CSMD3: variants seen among roughly 807,000 people sequenced by gnomAD.
The protein encoded by CSMD3 is CUB and sushi domain-containing protein 3.
A neutral mutation model predicts 435.2 loss-of-function variants in CSMD3; 177 were observed. That is an observed-to-expected ratio of 0.41 (90% CI 0.36 to 0.46). CSMD3 has a LOEUF of 0.46. Ranked by LOEUF, CSMD3 falls within the 20% of genes least tolerant of loss-of-function variation. CSMD3 has a pLI of 0.34. For missense variants in CSMD3, 4,265 were observed against 4,504.6 expected, an observed-to-expected ratio of 0.95 and a Z score of 1.52; for synonymous variants, 1,656 against 1,520.5, an observed-to-expected ratio of 1.09 and a Z score of -2.07.
At chr8:112,348,422 G>T (rs973353275) in intron 40 of CSMD3, among the ~76,000 whole-genome samples, 1 of 152,014 alleles carries the variant, frequency 6.6e-6, no homozygotes, top group Non-Finnish European at 1.5e-5. Flanking sequence ...TCCAGTTCAC[G>T]AGGCTGTAGC....
intron 6 of CSMD3, among the ~76,000 whole-genome samples, chr8:113,011,496 C>T (rs2086254579): frequency 2.0e-5 from 3 of 151,746 alleles, no homozygotes; most frequent in South Asian, 4.1e-4. Flanking sequence ...AACTAATGAA[C>T]AGAAATTTGA....
chr8:113,314,875 T>C (rs953961885), intron 1 of CSMD3, 82 bp from the exon 2 acceptor site: 6 of 994,644 alleles, frequency 6.0e-6, no homozygotes, highest in South Asian at 1.4e-5. Context: ...TGAAAGTCTA[T>C]TGCATTTCCA....
chr8:112,789,969 T>G, intron 13 of CSMD3, among the ~76,000 whole-genome samples: 1 of 152,142 alleles, frequency 6.6e-6, no homozygotes, highest in Middle Eastern at 3.6e-3. Flanking sequence ...TTTTCTGCTT[T>G]AATACACATT....
chr8:112,314,820 T>G (rs931090741), intron 47 of CSMD3, among the ~76,000 whole-genome samples: 2 of 152,054 alleles, frequency 1.3e-5, no homozygotes, highest in Non-Finnish European at 2.9e-5. Context: ...ATTGATTTAT[T>G]TTTTATTACA....
At chr8:112,998,920 C>A (rs1222495148) in intron 6 of CSMD3, among the ~76,000 whole-genome samples, 1 of 151,944 alleles carries the variant, frequency 6.6e-6, no homozygotes, top group Non-Finnish European at 1.5e-5. Context: ...TTTCCTGAGG[C>A]CTCCCCAGCC....
chr8:112,599,597 T>C (rs916580990), intron 22 of CSMD3, among the ~76,000 whole-genome samples: 1 of 146,168 alleles, frequency 6.8e-6, no homozygotes, highest in African/African-American at 2.4e-5. Flanking sequence ...TTATTCACAA[T>C]AGCAAAGACT....
intron 22 of CSMD3, among the ~76,000 whole-genome samples, chr8:112,631,324 A>G (rs1406908849): frequency 6.6e-6 from 1 of 152,086 alleles, no homozygotes; most frequent in Non-Finnish European, 1.5e-5. Flanking sequence ...AGAGTTCAGT[A>G]ATTGTAACTC....
chr8:113,224,650 T>A (rs562831627), intron 3 of CSMD3, among the ~76,000 whole-genome samples: 2 of 151,328 alleles, frequency 1.3e-5, no homozygotes, highest in Admixed American at 1.3e-4. Flanking sequence ...ACCTAAATAA[T>A]ATTTATATAG....
intron 3 of CSMD3, among the ~76,000 whole-genome samples, chr8:113,181,108 G>C (rs1224242014): frequency 6.6e-6 from 1 of 151,870 alleles, no homozygotes; most frequent in Non-Finnish European, 1.5e-5. Context: ...AAAGAAATAA[G>C]AGCAAGACAG....
intron 32 of CSMD3, among the ~76,000 whole-genome samples, chr8:112,458,817 A>G (rs945145034): frequency 2.6e-5 from 4 of 152,126 alleles, no homozygotes; most frequent in Non-Finnish European, 4.4e-5. Context: ...CACTGAATTC[A>G]TATCTCAAGT....
intron 27 of CSMD3, among the ~76,000 whole-genome samples, chr8:112,544,418 TCACTAGCCTATAAAATGTAAACATGATA>T (rs1354340808): frequency 6.6e-6 from 1 of 152,150 alleles, no homozygotes; most frequent in Non-Finnish European, 1.5e-5. Context: ...ACTGCCCTCT[TCACTAGCCTATAAAATGTAAACATGATA>T]CACAAAATAA....
At chr8:112,634,741 T>C (rs2074608684) in intron 22 of CSMD3, among the ~76,000 whole-genome samples, 2 of 151,990 alleles carry the variant, frequency 1.3e-5, no homozygotes, top group African/African-American at 4.8e-5. Flanking sequence ...TAAATGTACA[T>C]GTAAACACTT....
At chr8:113,097,042 G>A (rs763070919) in intron 5 of CSMD3, among the ~76,000 whole-genome samples, 1 of 151,840 alleles carries the variant, frequency 6.6e-6, no homozygotes, top group Non-Finnish European at 1.5e-5. Context: ...GATGACAATG[G>A]GTAAGTCATG....
intron 32 of CSMD3, among the ~76,000 whole-genome samples, chr8:112,419,429 G>A (rs1812247217): frequency 6.6e-6 from 1 of 152,134 alleles, no homozygotes; most frequent in Admixed American, 6.6e-5. Flanking sequence ...AATACAATAT[G>A]TTATTAAAAA....
chr8:112,638,957 A>C, intron 20 of CSMD3, 46 bp from the exon 21 acceptor site: 3 of 1,310,630 alleles, frequency 2.3e-6, no homozygotes, highest in South Asian at 1.2e-5. Context: ...AGATCAGTAA[A>C]ACACAGAGAG....
intron 6 of CSMD3, among the ~76,000 whole-genome samples, chr8:112,987,503 T>G (rs1411773249): frequency 6.6e-6 from 1 of 152,146 alleles, no homozygotes; most frequent in Non-Finnish European, 1.5e-5. Context: ...ATTTATTCAT[T>G]TAATCCTTAA....
chr8:112,920,404 T>A (rs73702259), intron 10 of CSMD3, among the ~76,000 whole-genome samples: 1,549 of 151,918 alleles, frequency 0.01, 28 homozygotes, highest in African/African-American at 0.036. Flanking sequence ...AATATAGATA[T>A]AACATCATTT....
At chr8:112,753,343 T>C (rs963764509) in intron 13 of CSMD3, among the ~76,000 whole-genome samples, 10 of 152,230 alleles carry the variant, frequency 6.6e-5, no homozygotes, top group African/African-American at 2.4e-4. Context: ...CTATTGCTTT[T>C]ACAACTAAAA....
At chr8:113,174,013 T>C in intron 3 of CSMD3, 97 bp from the exon 4 acceptor site, 5 of 887,960 alleles carry the variant, frequency 5.6e-6, no homozygotes, top group Non-Finnish European at 9.0e-6. Flanking sequence ...TGGATATTCT[T>C]ATTTCTTTGG....
Sources: gnomAD v4.1 joint callset for allele counts (sites outside exome capture counted in the v4.1 genomes callset) on GRCh38, gnomAD v4.1.1 for gene constraint, MANE v1.5 for transcripts, NCBI Gene and HGNC (gene_info 2026-07-23, HGNC 2026-07-21) for gene names.